Variants in FAM91A1 observed in about 807,000 individuals in gnomAD.
FAM91A1 encodes protein FAM91A1.
FAM91A1 carries 41 observed loss-of-function variants against 113.5 expected under a neutral mutation model. The observed-to-expected ratio is 0.36, with a 90% CI of 0.28 to 0.47. FAM91A1 has a LOEUF of 0.47. Ranked by LOEUF, FAM91A1 falls within the 20% of genes least tolerant of loss-of-function variation. The pLI, the probability that FAM91A1 is intolerant of heterozygous loss-of-function variation, is 1.00. For missense variants in FAM91A1, 696 were observed against 1,001.2 expected, an observed-to-expected ratio of 0.70 and a Z score of 4.11; for synonymous variants, 307 against 347.9, an observed-to-expected ratio of 0.88 and a Z score of 1.31.
intron 9 of FAM91A1, 117 bp from the exon 10 acceptor site, chr8:123,784,964 C>G (rs534620358): frequency 9.0e-6 from 6 of 665,190 alleles, no homozygotes; most frequent in Non-Finnish European, 1.5e-5. Flanking sequence ...TTTATTCAGT[C>G]TTCTAATTAT....
chr8:123,811,879 G>GT lies in FAM91A1; in HGVS notation c.2332-634dup, dbSNP rs546094193. Among the ~76,000 whole-genome samples the GT allele has an allele frequency of 1.8e-3, 277 of 152,084 alleles. 1 individual carries two copies. The highest frequency in any genetic ancestry group is 0.014 in the Middle Eastern group (4 of 294). On this transcript the variant is annotated intron_variant, in intron 23 of 23. Coordinates refer to ENST00000334705, the MANE Select transcript of FAM91A1 (RefSeq NM_144963.4). ...AAGGTTTTTTTTGTTTGTTTGTTTT[G>GT]TTTTTTCCCCGAGATGGAGTCTGGC...
chr8:123,787,213 CA>C (rs1398887852), intron 12 of FAM91A1, 47 bp from the exon 13 acceptor site: 2 of 1,367,760 alleles, frequency 1.5e-6, no homozygotes, highest in Non-Finnish European at 2.1e-6. Flanking sequence ...AAATGGTAAG[CA>C]AAGAATAATT....
At chr8:123,787,865 C>T (rs953696537) in intron 14 of FAM91A1, 115 bp downstream of exon 14, 17 of 729,810 alleles carry the variant, frequency 2.3e-5, no homozygotes, top group South Asian at 2.2e-4. Flanking sequence ...TATTCTTGCT[C>T]GTTCCTACCT....
At chr8:123,775,652 G>T (rs13253599) in intron 3 of FAM91A1, among the ~76,000 whole-genome samples, 29,746 of 152,112 alleles carry the variant, frequency 0.2, 3,157 homozygotes, top group East Asian at 0.31. Context: ...TGACAGAATT[G>T]AACATTATGT....
intron 2 of FAM91A1, 105 bp downstream of exon 2, chr8:123,774,269 G>C (rs920764916): frequency 7.9e-6 from 7 of 884,790 alleles, no homozygotes; most frequent in Non-Finnish European, 1.2e-5. Context: ...ATTATTCCAT[G>C]TACAGACTTT....
At chr8:123,778,513 A>C in intron 5 of FAM91A1, 146 bp from the exon 6 acceptor site, 1 of 563,002 alleles carries the variant, frequency 1.8e-6, no homozygotes, top group South Asian at 2.6e-5. Flanking sequence ...CAATATGTTA[A>C]TATCTAGAAT....
Position 123,768,541 on chromosome 8 carries a change from G to T in FAM91A1, c.-162G>T. The T allele has an allele frequency of 1.8e-6, 1 of 567,516 alleles. No individual in the cohort carries two copies. 35.2% of individuals were successfully genotyped at this position (567,516 alleles called of 1,614,324 possible). A position where few individuals can be genotyped will look rare whatever the true frequency, so the allele number is the denominator to read the frequency against. On this transcript the variant is annotated 5_prime_UTR_variant, in exon 1 of 24. Coordinates refer to ENST00000334705, the MANE Select transcript of FAM91A1 (RefSeq NM_144963.4). ...CTTGTACTCGGTTGGCCCGGGCGGCGCTGAACTGTCGGGAGCCTAGGCCAT... is the reference window on the plus strand; with the variant it reads ...CTTGTACTCGGTTGGCCCGGGCGGCTCTGAACTGTCGGGAGCCTAGGCCAT...
At chr8:123,787,416 A>G in intron 13 of FAM91A1, 43 bp downstream of exon 13, 2 of 1,373,408 alleles carry the variant, frequency 1.5e-6, no homozygotes, top group Non-Finnish European at 2.1e-6. Flanking sequence ...TTTAAAATAA[A>G]TACTAGATAT....
rs372450185 is a variant in FAM91A1 at position 123,768,778 on chromosome 8, C to T, written c.72+4C>T. 1.9e-6 allele frequency: 3 copies of T among 1,610,464 alleles called. No individual in the cohort carries two copies. The African/African-American group carries it at 4.0e-5, about 22-fold the overall frequency. On this transcript the variant is annotated splice_donor_region_variant and intron_variant, in intron 1 of 23. Transcript: ENST00000334705. The stretch of plus-strand genomic sequence containing the variant: ...GTTGCCGGCCAACGTGAGACAGGTA[C>T]GGCCGGAACCTGGGACCGGGCCCCT...
intron 1 of FAM91A1, among the ~76,000 whole-genome samples, chr8:123,772,872 T>C (rs1427941019): frequency 1.3e-5 from 2 of 152,232 alleles, no homozygotes; most frequent in Non-Finnish European, 2.9e-5. Context: ...AATGCTATTA[T>C]GAAAATCATA....
Position 123,799,832 on chromosome 8 carries a change from A to C in FAM91A1, c.1756A>C (p.Asn586His). The C allele has an allele frequency of 6.2e-7, 1 of 1,609,728 alleles. No homozygotes were observed. The highest frequency in any genetic ancestry group is 8.5e-7 in the Non-Finnish European group (1 of 1,176,522). The change falls in exon 18 of 24, where the codon AAT becomes CAT. Residue 586 changes from asparagine to histidine, a missense_variant. Coordinates refer to ENST00000334705, the MANE Select transcript of FAM91A1 (RefSeq NM_144963.4). ...GHDPGVVPTS[N>H]VLTMLNDALT... ...TGATCCTGGAGTAGTTCCTACCTCA[A>C]ATGTGCTCACGATGTTGAATGATGC...
chr8:123,776,302 G>C (rs528424034), intron 3 of FAM91A1, among the ~76,000 whole-genome samples: 1 of 152,358 alleles, frequency 6.6e-6, no homozygotes, highest in Non-Finnish European at 1.5e-5. Context: ...GCCGCTTGAA[G>C]AGCAGAGAGG....
At chr8:123,795,498 C>T (rs1440729496) in intron 15 of FAM91A1, among the ~76,000 whole-genome samples, 1 of 151,554 alleles carries the variant, frequency 6.6e-6, no homozygotes, top group Non-Finnish European at 1.5e-5. Flanking sequence ...TTAAGATGTG[C>T]CTGCTTCCCT....
Position 123,812,854 on chromosome 8 carries a change from T to C in FAM91A1, c.*150T>C. ...AGTTGGGGAACATATTCATGTTTTC[T>C]GAAGTTTTGCTCATTATTGCACATC... On this transcript the variant is annotated 3_prime_UTR_variant, in exon 24 of 24. Transcript: ENST00000334705. 1 of 740,488 alleles carries C rather than the reference T, an allele frequency of 1.4e-6. No homozygotes were observed. The highest frequency in any genetic ancestry group is 2.0e-6 in the Non-Finnish European group (1 of 489,470). 45.9% of individuals were successfully genotyped at this position (740,488 alleles called of 1,614,324 possible).
chr8:123,798,567 G>A (rs776440261), intron 16 of FAM91A1, among the ~76,000 whole-genome samples: 6 of 152,192 alleles, frequency 3.9e-5, no homozygotes, highest in Admixed American at 6.5e-5. Context: ...AAATGTCTTC[G>A]AAGTGGGGCT....
intron 23 of FAM91A1, chr8:123,810,602 T>G (rs967128267): frequency 5.5e-6 from 3 of 545,106 alleles, no homozygotes; most frequent in Non-Finnish European, 9.6e-6. Flanking sequence ...GTTAAGTGTC[T>G]TTTATGGGCT....
At chr8:123,773,712 A>G (rs62519925) in intron 1 of FAM91A1, among the ~76,000 whole-genome samples, 6,204 of 152,320 alleles carry the variant, frequency 0.041, 192 homozygotes, top group Non-Finnish European at 0.06. Flanking sequence ...ATGTAGGGGC[A>G]GGAAACCATC....
rs1816049378 is a variant in FAM91A1 at position 123,815,420 on chromosome 8, TAAAC to T, written c.*2717_*2720del. 6.6e-6 allele frequency: 1 copy of T among 152,488 alleles called. No individual in the cohort carries two copies. Among genetic ancestry groups the T allele is most frequent in the African/African-American group, 2.4e-5 (1 of 41,430 alleles). 9.4% of individuals were successfully genotyped at this position (152,488 alleles called of 1,614,324 possible). On this transcript the variant is annotated 3_prime_UTR_variant, in exon 24 of 24. Transcript: ENST00000334705. ...TTGACACATATAACATGTTTACAAA[TAAAC>T]TGTGGTATTGATCAAGTTACTATGA...
At chr8:123,769,568 T>G in intron 1 of FAM91A1, among the ~76,000 whole-genome samples, 1 of 152,236 alleles carries the variant, frequency 6.6e-6, no homozygotes, top group East Asian at 1.9e-4. Context: ...AAGTTAATTC[T>G]CGATTTTTTT....
Sources: allele counts gnomAD v4.1 joint callset (sites outside exome capture counted in the v4.1 genomes callset), GRCh38; gene constraint gnomAD v4.1.1; transcripts MANE v1.5; gene names NCBI Gene and HGNC (gene_info 2026-07-23, HGNC 2026-07-21).